The following NGF variants were observed in gnomAD, a reference collection of about 807,000 sequenced individuals.
NGF encodes beta-nerve growth factor.
NGF carries 4 observed loss-of-function variants against 12.8 expected under a neutral mutation model. That is an observed-to-expected ratio of 0.31 (90% CI 0.15 to 0.72). NGF has a LOEUF of 0.72. NGF is among the 30% of genes least tolerant of loss of function. NGF has a pLI of 0.69. For missense variants in NGF, 283 were observed against 330.8 expected (o/e 0.86, Z 1.12); for synonymous variants, 140 against 130.0 (o/e 1.08, Z -0.52).
chr1:115,294,190 G>A (rs776944599), intron 1 of NGF, among the ~76,000 whole-genome samples: 6 of 152,298 alleles, frequency 3.9e-5, no homozygotes, highest in Admixed American at 2.6e-4. Flanking sequence ...AGAGCAAGTT[G>A]GTGCTTTGAT....
At chr1:115,308,288 G>C (rs1654253061) in intron 1 of NGF, among the ~76,000 whole-genome samples, 1 of 152,204 alleles carries the variant, frequency 6.6e-6, no homozygotes, top group South Asian at 2.1e-4. Flanking sequence ...CAGTGAACAG[G>C]CTGATGAAGG....
chr1:115,308,222 G>A (rs973758354), intron 1 of NGF, among the ~76,000 whole-genome samples: 1 of 152,208 alleles, frequency 6.6e-6, no homozygotes, highest in African/African-American at 2.4e-5. Context: ...TCAGGGATGT[G>A]CTTCCACTAT....
In NGF at chr1:115,335,712, G is replaced by C. The variant is rs764267043; in HGVS notation, c.-137+2492C>G. On this transcript the variant is annotated intron_variant, in intron 1 of 2. Transcript: ENST00000369512. ...CTTACTTGGAAAAGGTAAATGGCTGGGCCTCTGCTCCCAGGTCTGGCACTG... is the reference window on the plus strand; with the variant it reads ...CTTACTTGGAAAAGGTAAATGGCTGCGCCTCTGCTCCCAGGTCTGGCACTG... Among the ~76,000 whole-genome samples, 10 of 152,188 alleles carry C rather than the reference G, an allele frequency of 6.6e-5. 1 individual carries two copies. The highest frequency in any genetic ancestry group is 2.6e-4 in the Admixed American group (4 of 15,284).
chr1:115,296,482 A>G (rs1019343804), intron 1 of NGF, among the ~76,000 whole-genome samples: 20 of 152,214 alleles, frequency 1.3e-4, no homozygotes, highest in African/African-American at 3.9e-4. Flanking sequence ...AATTCCTAGG[A>G]AGATCTGCAT....
intron 1 of NGF, among the ~76,000 whole-genome samples, chr1:115,301,345 T>C (rs1654028912): frequency 6.6e-6 from 1 of 152,204 alleles, no homozygotes; most frequent in African/African-American, 2.4e-5. Flanking sequence ...CTCAACATCT[T>C]CTTTCAAAAA....
chr1:115,295,348 T>C (rs188367345), intron 1 of NGF, among the ~76,000 whole-genome samples: 55 of 152,302 alleles, frequency 3.6e-4, no homozygotes, highest in Middle Eastern at 3.4e-3. Flanking sequence ...AACCTTTCAA[T>C]ACTCAATTGG....
At chr1:115,330,267 A>G (rs1353753833) in intron 1 of NGF, among the ~76,000 whole-genome samples, 1 of 152,212 alleles carries the variant, frequency 6.6e-6, no homozygotes, top group African/African-American at 2.4e-5. Context: ...TTGCTTGGAA[A>G]AGAGTCAGTC....
chr1:115,336,998 G>A (rs935906309), intron 1 of NGF, among the ~76,000 whole-genome samples: 1 of 152,150 alleles, frequency 6.6e-6, no homozygotes, highest in Non-Finnish European at 1.5e-5. Context: ...AGGCACCCAG[G>A]AGAGCACTAT....
intron 1 of NGF, among the ~76,000 whole-genome samples, chr1:115,326,372 T>A (rs1249846690): frequency 1.3e-5 from 2 of 152,098 alleles, no homozygotes; most frequent in African/African-American, 4.8e-5. Context: ...TATATCCAAG[T>A]TTTAGACAAC....
intron 1 of NGF, among the ~76,000 whole-genome samples, chr1:115,295,225 A>C (rs1054235836): frequency 2.0e-5 from 3 of 152,156 alleles, no homozygotes; most frequent in African/African-American, 7.2e-5. Context: ...AAGGACCTCT[A>C]AAGTGATCTT....
intron 1 of NGF, among the ~76,000 whole-genome samples, chr1:115,329,589 TAAAAC>T (rs1417444139): frequency 4.6e-5 from 7 of 152,284 alleles, no homozygotes; most frequent in Non-Finnish European, 1.5e-5. Flanking sequence ...ACAGTACAAC[TAAAAC>T]AAAAGTTTCA....
intron 1 of NGF, among the ~76,000 whole-genome samples, chr1:115,321,768 C>T (rs74114048): frequency 0.014 from 2,114 of 152,294 alleles, 42 homozygotes; most frequent in African/African-American, 0.046. Context: ...GTATTAGATT[C>T]ATCCTAGTGA....
intron 1 of NGF, among the ~76,000 whole-genome samples, chr1:115,321,099 A>T (rs1654611906): frequency 6.6e-6 from 1 of 152,198 alleles, no homozygotes; most frequent in Non-Finnish European, 1.5e-5. Flanking sequence ...GCCCACTAAG[A>T]TGCAGTATGG....
intron 1 of NGF, among the ~76,000 whole-genome samples, chr1:115,336,886 A>G (rs973578906): frequency 3.9e-5 from 6 of 152,056 alleles, no homozygotes; most frequent in Admixed American, 3.9e-4. Context: ...GGAGGAGGGG[A>G]CTGGCACTGG....
At position 115,330,695 on chromosome 1, in the gene NGF, C is replaced by T. The variant is rs116390634; in HGVS notation, c.-137+7509G>A. Among the ~76,000 whole-genome samples the T allele has an allele frequency of 4.1e-3, 609 of 149,592 alleles. 2 individuals carry two copies. Among genetic ancestry groups the T allele is most frequent in the African/African-American group, 0.011 (440 of 41,264 alleles). On this transcript the variant is annotated intron_variant, in intron 1 of 2. Coordinates refer to ENST00000369512, the MANE Select transcript of NGF (RefSeq NM_002506.3). The stretch of plus-strand genomic sequence containing the variant: ...TGAAGTCTGATCAGGTGGCTCAGCT[C>T]GAGTCAGCCCTGATGGGCTGTGGAC...
chr1:115,297,937 C>T (rs1033464133), intron 1 of NGF, among the ~76,000 whole-genome samples: 11 of 152,216 alleles, frequency 7.2e-5, no homozygotes, highest in South Asian at 2.1e-4. Context: ...AATATAAAGC[C>T]AGGGCTGGGA....
chr1:115,333,550 A>G (rs565142993), intron 1 of NGF, among the ~76,000 whole-genome samples: 1 of 149,212 alleles, frequency 6.7e-6, no homozygotes, highest in Admixed American at 6.7e-5. Flanking sequence ...TGCGTTGGCT[A>G]CAGTCTTAGG....
chr1:115,307,833 C>T (rs1031890947), intron 1 of NGF, among the ~76,000 whole-genome samples: 3 of 152,246 alleles, frequency 2.0e-5, no homozygotes, highest in Non-Finnish European at 4.4e-5. Flanking sequence ...CTCACAGCAT[C>T]TCCAACACAA....
chr1:115,292,672 C>T (rs968737998), intron 2 of NGF, among the ~76,000 whole-genome samples: 1 of 152,122 alleles, frequency 6.6e-6, no homozygotes. Flanking sequence ...GGCCTGAAGC[C>T]GTATGCACAC....
Sources: allele counts gnomAD v4.1 joint callset (sites outside exome capture counted in the v4.1 genomes callset), GRCh38; gene constraint gnomAD v4.1.1; transcripts MANE v1.5; gene names NCBI Gene and HGNC (gene_info 2026-07-23, HGNC 2026-07-21).